Variants in RPRD1A observed in about 807,000 individuals in gnomAD.
RPRD1A encodes the protein regulation of nuclear pre-mRNA domain-containing protein 1A.
RPRD1A carries 9 observed loss-of-function variants against 37.8 expected under a neutral mutation model. The ratio of observed to expected loss-of-function variants is 0.24; its 90% CI spans 0.14 to 0.42. RPRD1A has a LOEUF of 0.42. Ranked by LOEUF, RPRD1A falls within the 10% of genes least tolerant of loss-of-function variation. The pLI, the probability that RPRD1A is intolerant of heterozygous loss-of-function variation, is 1.00. For synonymous variants in RPRD1A, 138 were observed against 139.7 expected (o/e 0.99, Z 0.08); for missense variants, 255 against 371.0 (o/e 0.69, Z 2.57).
At position 36,026,817 on chromosome 18, in the gene RPRD1A, T is replaced by A. The variant is rs1011090100; in HGVS notation, c.789+83A>T. 3.0e-6 allele frequency: 4 copies of A among 1,328,168 alleles called. No individual in the cohort carries two copies. In the Admixed American group the frequency reaches 9.5e-5, roughly 31 times the overall value. The allele number at this position is 1,328,168 out of a possible 1,614,324, so 82.3% of individuals were successfully genotyped here. ...GGTCTATGTTAAAAAATGCAAAATG[T>A]GCACATAGATTAAAATATTTTAAAA... On this transcript the variant is annotated intron_variant, in intron 6 of 6. Coordinates refer to ENST00000399022, the MANE Select transcript of RPRD1A (RefSeq NM_018170.5).
chr18:36,064,413 CA>C (rs1283282471), intron 1 of RPRD1A: 2 of 152,410 alleles, frequency 1.3e-5, no homozygotes, highest in Non-Finnish European at 2.9e-5. Context: ...GCTTCTGGGT[CA>C]GGTGGGGACT....
At chr18:36,016,531 T>TA (rs1486359438) in intron 6 of RPRD1A, among the ~76,000 whole-genome samples, 2 of 152,182 alleles carry the variant, frequency 1.3e-5, no homozygotes, top group African/African-American at 4.8e-5. Context: ...CCTGTTTTGT[T>TA]AAAACTGTAA....
chr18:36,040,877 C>CA (rs1407632796), intron 1 of RPRD1A: 11 of 1,478,836 alleles, frequency 7.4e-6, no homozygotes, highest in Non-Finnish European at 9.9e-6. Flanking sequence ...TAAAAGGAAG[C>CA]AATTAACAAG....
At chr18:36,021,315 T>G (rs1008762230) in intron 6 of RPRD1A, among the ~76,000 whole-genome samples, 1 of 151,778 alleles carries the variant, frequency 6.6e-6, no homozygotes, top group Non-Finnish European at 1.5e-5. Flanking sequence ...TGTGCTCACT[T>G]AAGTGTCTGT....
intron 6 of RPRD1A, chr18:36,026,435 G>A (rs1911374587): frequency 6.5e-6 from 1 of 153,808 alleles, no homozygotes; most frequent in Admixed American, 6.4e-5. Context: ...TTCTGCCTAA[G>A]AGTGTGAGCC....
chr18:36,067,125 A>T (rs1204582941), intron 1 of RPRD1A, 129 bp downstream of exon 1: 3 of 956,068 alleles, frequency 3.1e-6, no homozygotes, highest in Non-Finnish European at 4.7e-6. Flanking sequence ...AGCTCCTCCA[A>T]GCCCGCAGAC....
intron 6 of RPRD1A, among the ~76,000 whole-genome samples, chr18:36,022,259 A>T (rs1442752447): frequency 6.6e-6 from 1 of 152,246 alleles, no homozygotes; most frequent in Non-Finnish European, 1.5e-5. Flanking sequence ...CGTAACTTCG[A>T]AGTGCAGAGT....
At chr18:36,023,898 G>C (rs1292733347) in intron 6 of RPRD1A, among the ~76,000 whole-genome samples, 1 of 152,136 alleles carries the variant, frequency 6.6e-6, no homozygotes, top group Non-Finnish European at 1.5e-5. Context: ...AAGTGTAATT[G>C]TAATACTTAG....
chr18:36,005,803 T>A (rs1909710134), intron 6 of RPRD1A, among the ~76,000 whole-genome samples: 1 of 152,210 alleles, frequency 6.6e-6, no homozygotes, highest in African/African-American at 2.4e-5. Context: ...AAGATAGACA[T>A]CCAAGCAGGA....
chr18:36,018,498 G>A (rs1786209), intron 6 of RPRD1A, among the ~76,000 whole-genome samples: 78,241 of 151,768 alleles, frequency 0.52, 22,688 homozygotes, highest in East Asian at 0.66. Context: ...TGGTCTCGAT[G>A]TCCTGACCTC....
At chr18:36,015,385 G>T (rs2144222367) in intron 6 of RPRD1A, among the ~76,000 whole-genome samples, 1 of 152,038 alleles carries the variant, frequency 6.6e-6, no homozygotes, top group East Asian at 1.9e-4. Context: ...GCTAATTTTT[G>T]TATTTTTAGT....
chr18:36,052,984 C>T (rs564862998), intron 1 of RPRD1A: 2 of 152,094 alleles, frequency 1.3e-5, no homozygotes, highest in East Asian at 3.9e-4. Flanking sequence ...GAACCCATCT[C>T]AAAAAACAGA....
chr18:36,056,564 A>T (rs953862698), intron 1 of RPRD1A, among the ~76,000 whole-genome samples: 2 of 152,194 alleles, frequency 1.3e-5, no homozygotes, highest in African/African-American at 4.8e-5. Flanking sequence ...CTGGGATTAC[A>T]GGTGTGAGCC....
intron 6 of RPRD1A, among the ~76,000 whole-genome samples, chr18:36,008,568 CTT>C (rs1909915526): frequency 8.1e-5 from 1 of 12,302 alleles, no homozygotes; most frequent in South Asian, 4.4e-3. Context: ...ACAGCAAGAC[CTT>C]GTGTGTGTAT....
rs185336671 is a variant in RPRD1A, at chr18:36,054,528, A to G, written c.151+12726T>C. ...TAAGTAAATAAATAAAATGTTAGTA[A>G]ATCTAGATGAAGTGCTCAGATTACT... On this transcript the variant is annotated intron_variant, in intron 1 of 6. Coordinates refer to ENST00000399022, the MANE Select transcript of RPRD1A (RefSeq NM_018170.5). Among the ~76,000 whole-genome samples, 590 of 152,250 alleles carry G rather than the reference A, an allele frequency of 3.9e-3. 2 individuals carry two copies. The highest frequency in any genetic ancestry group is 0.014 in the Middle Eastern group (4 of 292).
In RPRD1A at chr18:35,990,274, G is replaced by C. The variant is rs1042729418; in HGVS notation, c.*2877C>G. On this transcript the variant is annotated 3_prime_UTR_variant, in exon 7 of 7. Transcript: ENST00000399022. ...CTAAAGATTTCTCAGAATCAGTTCA[G>C]TAACTATACTTTAAAAAGATGAGTT... 3.9e-5 allele frequency: 6 copies of C among 152,252 alleles called. No homozygotes were observed. The highest frequency in any genetic ancestry group is 7.4e-5 in the Non-Finnish European group (5 of 68,026). The allele number at this position is 152,252 out of a possible 1,614,324, so 9.4% of individuals were successfully genotyped here. A position where few individuals can be genotyped will look rare whatever the true frequency, so the allele number is the denominator to read the frequency against.
intron 6 of RPRD1A, among the ~76,000 whole-genome samples, chr18:36,012,349 T>C (rs1483014540): frequency 6.6e-6 from 1 of 152,230 alleles, no homozygotes; most frequent in African/African-American, 2.4e-5. Context: ...TACCGGTTTA[T>C]GTATTTACTA....
chr18:36,024,098 G>C lies in RPRD1A; in HGVS notation c.789+2802C>G, dbSNP rs565393374. ...ATAGCAATCCCTAAATATTATAAAT[G>C]TAAACTAAAGTTATTAATAGTCTAT... On this transcript the variant is annotated intron_variant, in intron 6 of 6. Coordinates refer to ENST00000399022, the MANE Select transcript of RPRD1A (RefSeq NM_018170.5). Among the ~76,000 whole-genome samples the C allele has an allele frequency of 5.9e-5, 9 of 152,072 alleles. No individual in the cohort carries two copies. The South Asian group carries it at 1.9e-3, about 32-fold the overall frequency.
intron 6 of RPRD1A, among the ~76,000 whole-genome samples, chr18:36,007,830 C>T (rs1319543666): frequency 6.6e-6 from 1 of 151,878 alleles, no homozygotes; most frequent in East Asian, 1.9e-4. Context: ...CCCAGCTACT[C>T]GGGAGGCTGA....
Sources: gnomAD v4.1 joint callset for allele counts (sites outside exome capture counted in the v4.1 genomes callset) on GRCh38, gnomAD v4.1.1 for gene constraint, MANE v1.5 for transcripts, NCBI Gene and HGNC (gene_info 2026-07-23, HGNC 2026-07-21) for gene names.